Variants in NPC1 observed in about 807,000 individuals in gnomAD.
NPC1 encodes Niemann-Pick C1 protein.
NPC1 carries 85 observed loss-of-function variants against 140.4 expected under a neutral mutation model. The observed-to-expected ratio is 0.61, with a 90% CI of 0.51 to 0.72. The LOEUF (loss-of-function observed/expected upper bound fraction) is 0.72, where lower values mean the gene tolerates loss of function less well. Among genes scored for constraint, NPC1 ranks in the 30% least tolerant of loss-of-function variants. The pLI is 0.00. For synonymous variants in NPC1, 656 were observed against 624.8 expected (o/e 1.05, Z -0.74); for missense variants, 1,504 against 1,623.8 (o/e 0.93, Z 1.27).
In NPC1 at chr18:23,523,543, C is replaced by CAAAAAAAA. The variant is rs374224848; in HGVS notation, c.164-645_164-638dup. Among the ~76,000 whole-genome samples, 52 of 76,328 alleles carry CAAAAAAAA rather than the reference C, an allele frequency of 6.8e-4. 1 individual carries two copies. Among genetic ancestry groups the CAAAAAAAA allele is most frequent in the Non-Finnish European group, 8.0e-4 (34 of 42,530 alleles). 50.1% of individuals were successfully genotyped at this position (76,328 alleles called of 152,430 possible). ...CTAGGTAACATAGACCTTGTCTTCA[C>CAAAAAAAA]AAAAAAAAAAAAAAAAAAAAAAAAA... On this transcript the variant is annotated intron_variant, in intron 1 of 1. Transcript: ENST00000590723.
At position 23,541,289 on chromosome 18, in the gene NPC1, T is replaced by G. The variant is rs774804572; in HGVS notation, c.2373+17A>C. On this transcript the variant is annotated intron_variant, in intron 15 of 24. Transcript: ENST00000269228. ...TAGACTCAAATTAAATAGACTATAA[T>G]CCTGGCACCAACTTACCTCTTGACG... 1 of 1,614,226 alleles carries G rather than the reference T, an allele frequency of 6.2e-7. No homozygotes were observed. The highest frequency in any genetic ancestry group is 1.7e-5 in the Admixed American group (1 of 60,032).
intron 1 of NPC1, among the ~76,000 whole-genome samples, chr18:23,575,845 G>A (rs765828081): frequency 2.0e-5 from 3 of 149,102 alleles, no homozygotes; most frequent in Non-Finnish European, 3.0e-5. Flanking sequence ...CCAGCACTTT[G>A]GGAAGCCAAG....
downstream of NPC1, among the ~76,000 whole-genome samples, chr18:23,520,533 C>T (rs2058116315): frequency 6.6e-6 from 1 of 152,216 alleles, no homozygotes; most frequent in Admixed American, 6.5e-5. Context: ...GATCTTGGCT[C>T]ACTACAGTCT....
At position 23,554,762 on chromosome 18, in the gene NPC1, C is replaced by G. The variant is rs201791992; in HGVS notation, c.1549G>C (p.Val517Leu). 2 of 1,612,512 alleles carry G rather than the reference C, an allele frequency of 1.2e-6. No homozygotes were observed. Among genetic ancestry groups the G allele is most frequent in the Non-Finnish European group, 1.7e-6 (2 of 1,178,686 alleles). The change falls in exon 9 of 25, where the codon GTA becomes CTA. Residue 517 changes from valine (V) to leucine (L), a missense_variant. Transcript: ENST00000269228. ...ADYHTHFLYC[V>L]RAPASLNDTS... ...TGATTGTCTCTTGCCACTTACCGTA[C>G]GCAGTACAGAAAGTGCGTGTGGTAA...
chr18:23,584,219 ACTAGT>A (rs2059388415), intron 1 of NPC1, among the ~76,000 whole-genome samples: 1 of 152,254 alleles, frequency 6.6e-6, no homozygotes, highest in Admixed American at 6.5e-5. Context: ...ACACAGGACA[ACTAGT>A]CCATAATTCC....
intron 9 of NPC1, among the ~76,000 whole-genome samples, chr18:23,552,575 G>A (rs1426200695): frequency 1.3e-5 from 2 of 152,218 alleles, no homozygotes; most frequent in Non-Finnish European, 1.5e-5. Context: ...GGAAGCAGGT[G>A]GAACAGTAAG....
chr18:23,539,657 T>C, intron 18 of NPC1, 154 bp downstream of exon 18: 1 of 928,060 alleles, frequency 1.1e-6, no homozygotes, highest in South Asian at 1.5e-5. Flanking sequence ...CTTTCAAAGG[T>C]TTTTTAAGGT....
chr18:23,556,392 C>CT lies in NPC1; in HGVS notation c.1176dup (p.Glu393ArgfsTer4), dbSNP rs762646794. Reference sequence around the variant, plus strand: ...GGCCCAAAGTGCTGGTCAAAGTACTCTTTTTCCAGGCGAGCCTGGCTGCTG... The same window carrying CT: ...GGCCCAAAGTGCTGGTCAAAGTACTCTTTTTTCCAGGCGAGCCTGGCTGCTG... On this transcript the variant is annotated frameshift_variant, in exon 8 of 25. Coordinates refer to ENST00000269228, the MANE Select transcript of NPC1 (RefSeq NM_000271.5). LOFTEE classifies it high-confidence loss of function. 6.2e-7 allele frequency: 1 copy of CT among 1,614,144 alleles called. No homozygotes were observed. The highest frequency in any genetic ancestry group is 1.1e-5 in the South Asian group (1 of 91,080).
In NPC1 at chr18:23,544,943, A is replaced by ACCCCCCCCC. The variant is rs3837910; in HGVS notation, c.1947+8_1947+16dup. On this transcript the variant is annotated intron_variant, in intron 12 of 24. Transcript: ENST00000269228. ...GCTGTTAACCTCTAGAACATACACC[A>ACCCCCCCCC]CCCCCCCCCGGCTTACCAGAAGCCT... The ACCCCCCCCC allele has an allele frequency of 9.3e-4, 970 of 1,041,198 alleles. 34 individuals carry two copies. The highest frequency in any genetic ancestry group is 2.1e-3 in the South Asian group (155 of 74,578). The allele number at this position is 1,041,198 out of a possible 1,614,324, so 64.5% of individuals were successfully genotyped here.
Position 23,572,190 on chromosome 18 carries a change from G to A in NPC1, c.181-10C>T, listed in dbSNP as rs2145545058. On this transcript the variant is annotated splice_polypyrimidine_tract_variant and intron_variant, in intron 2 of 24. Coordinates refer to ENST00000269228, the MANE Select transcript of NPC1 (RefSeq NM_000271.5). ...ATCCTGGACAGAGTTCCTTTCAGGT[G>A]AAAGAGCACAGACACGGGAGTAGGC... 6.3e-7 allele frequency: 1 copy of A among 1,599,216 alleles called. No homozygotes were observed. Among genetic ancestry groups the A allele is most frequent in the Non-Finnish European group, 8.6e-7 (1 of 1,166,994 alleles).
chr18:23,586,281 G>A lies in NPC1; in HGVS notation c.57+6C>T. Reference sequence around the variant, plus strand: ...CAGGGCGTCCCGGTGGCCGGCGACCGCTCACCTGCGCTGGACACAGTAGCA... The same window carrying A: ...CAGGGCGTCCCGGTGGCCGGCGACCACTCACCTGCGCTGGACACAGTAGCA... On this transcript the variant is annotated splice_donor_region_variant and intron_variant, in intron 1 of 24. Coordinates refer to ENST00000269228, the MANE Select transcript of NPC1 (RefSeq NM_000271.5). The A allele has an allele frequency of 6.5e-7, 1 of 1,532,304 alleles. No homozygotes were observed. The allele number at this position is 1,532,304 out of a possible 1,614,324, so 94.9% of individuals were successfully genotyped here.
chr18:23,540,041 T>TCTCTC, intron 17 of NPC1, 40 bp from the exon 18 acceptor site: 2 of 1,551,086 alleles, frequency 1.3e-6, no homozygotes, highest in Non-Finnish European at 1.8e-6. Flanking sequence ...GTGTGAACAC[T>TCTCTC]CTGATAGTAA....
At chr18:23,510,741 T>C (rs1405173727) in intron 3 of NPC1, among the ~76,000 whole-genome samples, 1 of 151,970 alleles carries the variant, frequency 6.6e-6, no homozygotes, top group Non-Finnish European at 1.5e-5. Context: ...ACATCACTGA[T>C]CATTAGAGAA....
intron 1 of NPC1, among the ~76,000 whole-genome samples, chr18:23,585,551 C>A (rs945745470): frequency 6.6e-6 from 1 of 152,160 alleles, no homozygotes; most frequent in East Asian, 1.9e-4. Context: ...CGAGTCACAG[C>A]GTGACACTGC....
downstream of NPC1, among the ~76,000 whole-genome samples, chr18:23,527,070 CAT>C (rs147613564): frequency 5.1e-3 from 776 of 152,210 alleles, 5 homozygotes; most frequent in African/African-American, 0.018. Context: ...CCACTCACTG[CAT>C]ATGTGTCTTC....
In NPC1 at chr18:23,561,526, T is replaced by C; in HGVS notation, c.465A>G (p.Ala155=). ...CCACATCCCGGCAGGCATTGTACAT[T>C]GCTAGAAGAGGAAACCCAAAGGAAA... ...QYYVGQSFAN[A]MYNACRDVEA... The change falls in exon 5 of 25, where the codon GCA becomes GCG. Residue 155 remains alanine (A), a splice_region_variant and synonymous_variant. Coordinates refer to ENST00000269228, the MANE Select transcript of NPC1 (RefSeq NM_000271.5). 6.2e-7 allele frequency: 1 copy of C among 1,614,010 alleles called. No homozygotes were observed. The highest frequency in any genetic ancestry group is 8.5e-7 in the Non-Finnish European group (1 of 1,180,010).
intron 1 of NPC1, among the ~76,000 whole-genome samples, chr18:23,581,838 A>G (rs1304283037): frequency 6.6e-6 from 1 of 152,208 alleles, no homozygotes; most frequent in African/African-American, 2.4e-5. Flanking sequence ...TGGACTCTCC[A>G]TAACATTTTA....
chr18:23,529,419 T>C (rs2058415969), downstream of NPC1: 1 of 1,439,294 alleles, frequency 6.9e-7, no homozygotes, highest in South Asian at 1.4e-5. Context: ...TGGAGTTTCC[T>C]TGGGTGAGGC....
rs1229719825 is a variant in NPC1 at position 23,531,478 on chromosome 18, C to CAGAT, written c.*720_*723dup. On this transcript the variant is annotated 3_prime_UTR_variant, in exon 25 of 25. Transcript: ENST00000269228. ...TAGCTTTTGTATTTGTCTCTCAAAGCAGATAGGGTAACCCCAAAACTTAGG... is the reference window on the plus strand; with the variant it reads ...TAGCTTTTGTATTTGTCTCTCAAAGCAGATAGATAGGGTAACCCCAAAACTTAGG... 3 of 1,431,272 alleles carry CAGAT rather than the reference C, an allele frequency of 2.1e-6. No homozygotes were observed. The highest frequency in any genetic ancestry group is 1.5e-5 in the South Asian group (1 of 65,434). The allele number at this position is 1,431,272 out of a possible 1,614,324, so 88.7% of individuals were successfully genotyped here.
Sources: gnomAD v4.1 joint callset for allele counts (sites outside exome capture counted in the v4.1 genomes callset) on GRCh38, gnomAD v4.1.1 for gene constraint, MANE v1.5 for transcripts, NCBI Gene and HGNC (gene_info 2026-07-23, HGNC 2026-07-21) for gene names.